Variants in CNOT2 observed in about 807,000 individuals in gnomAD.
CNOT2 encodes CCR4-NOT transcription complex subunit 2, also known as CC chemokine receptor 4-negative regulator of transcription 2.
In CNOT2, 7 loss-of-function variants were observed where a neutral mutation model predicts 72.1. That is an observed-to-expected ratio of 0.10 (90% CI 0.06 to 0.18). The LOEUF is 0.18. Ranked by LOEUF, CNOT2 falls within the 10% of genes least tolerant of loss-of-function variation. CNOT2 has a pLI of 1.00. For synonymous variants in CNOT2, 196 were observed against 225.6 expected, an observed-to-expected ratio of 0.87 and a Z score of 1.17; for missense variants, 345 against 660.3, an observed-to-expected ratio of 0.52 and a Z score of 5.23.
In CNOT2 at chr12:70,342,352, A is replaced by G. The variant is rs377107551; in HGVS notation, c.1290+45A>G. 9 of 1,602,336 alleles carry G rather than the reference A, an allele frequency of 5.6e-6. No homozygotes were observed. In the African/African-American group the frequency reaches 6.7e-5, roughly 12 times the overall value. ...CTACTCAGTCAGCATGAATTTATCT[A>G]TTTTTCACATGTTTTTCAGTTCAGG... On this transcript the variant is annotated intron_variant, in intron 13 of 15. Coordinates refer to ENST00000229195, the MANE Select transcript of CNOT2 (RefSeq NM_014515.7).
rs760890205 is a variant in CNOT2, at chr12:70,291,671, C to T, written c.48+13397C>T. Among the ~76,000 whole-genome samples, 70 of 152,352 alleles carry T rather than the reference C, an allele frequency of 4.6e-4. 1 individual carries two copies. Among genetic ancestry groups the T allele is most frequent in the African/African-American group, 1.7e-3 (69 of 41,584 alleles). Reference sequence around the variant, plus strand: ...CACCATGGTAGGCCAGGCGTGGTGGCTCACGCCTCTAATCCCAGCACTTTG... The same window carrying T: ...CACCATGGTAGGCCAGGCGTGGTGGTTCACGCCTCTAATCCCAGCACTTTG... On this transcript the variant is annotated intron_variant, in intron 2 of 15. Transcript: ENST00000229195.
chr12:70,341,890 T>C (rs1881557396), intron 11 of CNOT2: 2 of 592,072 alleles, frequency 3.4e-6, no homozygotes, highest in Non-Finnish European at 6.0e-6. Context: ...TTATACTGTA[T>C]TGCAAGAATA....
intron 2 of CNOT2, among the ~76,000 whole-genome samples, chr12:70,283,456 A>T: frequency 8.5e-6 from 1 of 117,144 alleles, no homozygotes; most frequent in East Asian, 2.8e-4. Flanking sequence ...CAAGACCCTC[A>T]GTCAGTCGAT....
At chr12:70,312,690 A>C (rs1876673151) in intron 3 of CNOT2, among the ~76,000 whole-genome samples, 1 of 151,954 alleles carries the variant, frequency 6.6e-6, no homozygotes, top group Non-Finnish European at 1.5e-5. Context: ...TTGGACTCTA[A>C]AGCAATACAA....
At chr12:70,291,754 G>A (rs1318214893) in intron 2 of CNOT2, among the ~76,000 whole-genome samples, 2 of 152,060 alleles carry the variant, frequency 1.3e-5, no homozygotes, top group Non-Finnish European at 2.9e-5. Context: ...TGGCTAACAC[G>A]GTGAAACCCC....
At chr12:70,329,894 G>A (rs1879670707) in intron 5 of CNOT2, among the ~76,000 whole-genome samples, 1 of 151,902 alleles carries the variant, frequency 6.6e-6, no homozygotes, top group Non-Finnish European at 1.5e-5. Flanking sequence ...TGTGATCATT[G>A]CTCCCTCGCC....
chr12:70,328,263 A>T (rs1165606867), intron 4 of CNOT2, among the ~76,000 whole-genome samples: 1 of 151,928 alleles, frequency 6.6e-6, no homozygotes, highest in East Asian at 1.9e-4. Context: ...GATACTCGCT[A>T]ACCACTCCTA....
intron 2 of CNOT2, chr12:70,294,187 G>A: frequency 7.8e-7 from 1 of 1,289,384 alleles, no homozygotes; most frequent in Non-Finnish European, 1.0e-6. Flanking sequence ...AGCTCCTAGG[G>A]TGGGGCTGGT....
At chr12:70,272,327 G>A (rs535623070) in intron 1 of CNOT2, among the ~76,000 whole-genome samples, 1 of 152,160 alleles carries the variant, frequency 6.6e-6, no homozygotes, top group Non-Finnish European at 1.5e-5. Context: ...TGGGTGTTCA[G>A]TGAAGGCCTT....
intron 2 of CNOT2, among the ~76,000 whole-genome samples, chr12:70,298,873 C>G (rs1873297361): frequency 1.3e-5 from 2 of 152,040 alleles, no homozygotes; most frequent in African/African-American, 4.8e-5. Context: ...GAATTTTTAT[C>G]AGAAAGTCCA....
intron 2 of CNOT2, among the ~76,000 whole-genome samples, chr12:70,294,929 C>T (rs1205051178): frequency 6.6e-6 from 1 of 152,110 alleles, no homozygotes; most frequent in Non-Finnish European, 1.5e-5. Flanking sequence ...ATAAACTCAT[C>T]AGATCCTGTG....
intron 2 of CNOT2, among the ~76,000 whole-genome samples, chr12:70,286,932 T>C (rs1470029611): frequency 6.6e-6 from 1 of 152,092 alleles, no homozygotes; most frequent in African/African-American, 2.4e-5. Flanking sequence ...CTTTTCTTGG[T>C]TGTAAATTAA....
At chr12:70,351,905 G>A (rs542924246) in intron 15 of CNOT2, among the ~76,000 whole-genome samples, 2 of 152,126 alleles carry the variant, frequency 1.3e-5, no homozygotes, top group Non-Finnish European at 2.9e-5. Flanking sequence ...GGTGATTCTG[G>A]TGTTTGCTAA....
intron 6 of CNOT2, chr12:70,332,531 G>T: frequency 4.1e-6 from 2 of 488,732 alleles, no homozygotes; most frequent in Non-Finnish European, 5.9e-6. Context: ...ATAAATTTTT[G>T]AGTTTTTGTT....
chr12:70,266,834 A>G (rs756062119), intron 1 of CNOT2, among the ~76,000 whole-genome samples: 1 of 151,180 alleles, frequency 6.6e-6, no homozygotes, highest in Admixed American at 6.6e-5. Flanking sequence ...TAGACAGCAT[A>G]TAGTCTTTTT....
intron 1 of CNOT2, among the ~76,000 whole-genome samples, chr12:70,263,203 C>G (rs1278005825): frequency 6.6e-6 from 1 of 151,734 alleles, no homozygotes; most frequent in Non-Finnish European, 1.5e-5. Context: ...TTTGTTTACC[C>G]TACTTGGTAA....
In CNOT2 at chr12:70,354,152, T is replaced by G. The variant is rs1187454107; in HGVS notation, c.*237T>G. Reference sequence around the variant, plus strand: ...TCTCTAGTTTGAGCAGGGTCTGAATTTTTTCATTTATTTCCTTTTTTGCCA... The same window carrying G: ...TCTCTAGTTTGAGCAGGGTCTGAATGTTTTCATTTATTTCCTTTTTTGCCA... On this transcript the variant is annotated 3_prime_UTR_variant, in exon 16 of 16. Transcript: ENST00000229195. 2 of 702,244 alleles carry G rather than the reference T, an allele frequency of 2.8e-6. No individual in the cohort carries two copies. The highest frequency in any genetic ancestry group is 3.7e-5 in the African/African-American group (2 of 54,072). 43.5% of individuals were successfully genotyped at this position (702,244 alleles called of 1,614,324 possible).
At chr12:70,279,524 C>G (rs895493186) in intron 2 of CNOT2, among the ~76,000 whole-genome samples, 2 of 152,130 alleles carry the variant, frequency 1.3e-5, no homozygotes, top group African/African-American at 4.8e-5. Flanking sequence ...CCAACATAGC[C>G]TTTGCTAATG....
intron 2 of CNOT2, among the ~76,000 whole-genome samples, chr12:70,305,298 C>G (rs112045787): frequency 3.3e-5 from 5 of 152,172 alleles, no homozygotes; most frequent in Non-Finnish European, 4.4e-5. Flanking sequence ...TGTTCCTATT[C>G]GGCCATCTTG....
Sources: gnomAD v4.1 joint callset for allele counts (sites outside exome capture counted in the v4.1 genomes callset) on GRCh38, gnomAD v4.1.1 for gene constraint, MANE v1.5 for transcripts, NCBI Gene and HGNC (gene_info 2026-07-23, HGNC 2026-07-21) for gene names.